CDK13: variants seen among roughly 807,000 people sequenced by gnomAD.
CDK13 encodes the protein cyclin-dependent kinase 13.
In CDK13, 40 loss-of-function variants were observed where a neutral mutation model predicts 137.6. The observed-to-expected ratio is 0.29, with a 90% confidence interval of 0.23 to 0.38. CDK13 has a LOEUF of 0.38. Among genes scored for constraint, CDK13 ranks in the 10% least tolerant of loss-of-function variants. The pLI is 1.00. For missense variants in CDK13, 1,704 were observed against 1,951.8 expected (o/e 0.87, Z 2.39); for synonymous variants, 869 against 760.1 (o/e 1.14, Z -2.36).
chr7:39,975,860 C>A (rs773382), intron 1 of CDK13, among the ~76,000 whole-genome samples: 104,003 of 152,050 alleles, frequency 0.68, 36,087 homozygotes, highest in East Asian at 0.99. Flanking sequence ...CAGTTGGAAA[C>A]CACTACAGAG....
At chr7:39,981,606 A>AT (rs1330349091) in intron 1 of CDK13, among the ~76,000 whole-genome samples, 2 of 152,146 alleles carry the variant, frequency 1.3e-5, no homozygotes, top group African/African-American at 2.4e-5. Context: ...AACAGTAAAT[A>AT]TATTTTTGGA....
chr7:39,955,703 A>G (rs1359459045), intron 1 of CDK13, among the ~76,000 whole-genome samples: 2 of 152,142 alleles, frequency 1.3e-5, no homozygotes, highest in Non-Finnish European at 2.9e-5. Context: ...TTTATGAACA[A>G]TTGGGTTTAA....
chr7:39,976,792 A>G (rs1372600171), intron 1 of CDK13, among the ~76,000 whole-genome samples: 10 of 152,192 alleles, frequency 6.6e-5, no homozygotes, highest in East Asian at 1.9e-4. Context: ...GTCTCTCTCA[A>G]CATATCTTAT....
chr7:39,988,442 A>C (rs898666802), intron 2 of CDK13, among the ~76,000 whole-genome samples, 184 bp downstream of exon 2: 1 of 152,118 alleles, frequency 6.6e-6, no homozygotes, highest in Non-Finnish European at 1.5e-5. Flanking sequence ...GGCAAAATTA[A>C]AGTTTATACT....
In CDK13 at chr7:39,987,739, C is replaced by T. The variant is rs769431800; in HGVS notation, c.1352C>T (p.Ala451Val). ...CTAACTCTGAAGAGTAGCCTGGCAG[C>T]TGAATTGAACAAGAATAAAAAAGCA... ...STLTLKSSLA[A>V]ELNKNKKARA... The change falls in exon 2 of 14, where the codon GCT (alanine) becomes GTT (valine). Residue 451 changes from alanine to valine, a missense_variant. Physicochemically the swap from Ala to Val is moderately conservative, Grantham distance 64 (BLOSUM62 0). Transcript: ENST00000181839. 6.2e-7 allele frequency: 1 copy of T among 1,614,070 alleles called. No homozygotes were observed. Among genetic ancestry groups the T allele is most frequent in the Non-Finnish European group, 8.5e-7 (1 of 1,180,014 alleles).
At chr7:40,046,085 G>T in intron 6 of CDK13, 60 bp downstream of exon 6, 2 of 1,044,378 alleles carry the variant, frequency 1.9e-6, no homozygotes. Flanking sequence ...TGTACATGGA[G>T]AGAATAGACT....
intron 7 of CDK13, chr7:40,048,935 C>T (rs1236193947): frequency 4.0e-5 from 6 of 150,970 alleles, no homozygotes; most frequent in Non-Finnish European, 8.8e-5. Context: ...CGCAGTGGCT[C>T]ATGCTTGTAC....
chr7:40,017,405 T>A (rs1204288832), intron 5 of CDK13, among the ~76,000 whole-genome samples: 1 of 152,142 alleles, frequency 6.6e-6, no homozygotes. Flanking sequence ...TATTCAATTT[T>A]TTTACATTCT....
chr7:39,955,085 C>CGTATTTTCTT (rs1371085751), intron 1 of CDK13, among the ~76,000 whole-genome samples: 1 of 152,012 alleles, frequency 6.6e-6, no homozygotes, highest in Non-Finnish European at 1.5e-5. Context: ...ATCTGTTTGC[C>CGTATTTTCTT]GTATTTTCTT....
chr7:39,985,604 G>C (rs1475314824), intron 1 of CDK13: 1 of 151,764 alleles, frequency 6.6e-6, no homozygotes, highest in Non-Finnish European at 1.5e-5. Flanking sequence ...GTGTACAAGG[G>C]TTCCCTTTTC....
Position 39,950,352 on chromosome 7 carries a change from C to T in CDK13, c.-290C>T. 8.5e-7 allele frequency: 1 copy of T among 1,181,912 alleles called. No individual in the cohort carries two copies. Among genetic ancestry groups the T allele is most frequent in the Non-Finnish European group, 1.0e-6 (1 of 956,480 alleles). 73.2% of individuals were successfully genotyped at this position (1,181,912 alleles called of 1,614,324 possible). A position where few individuals can be genotyped will look rare whatever the true frequency, so the allele number is the denominator to read the frequency against. On this transcript the variant is annotated 5_prime_UTR_variant, in exon 1 of 14. Coordinates refer to ENST00000181839, the MANE Select transcript of CDK13 (RefSeq NM_003718.5). ...GACTCGGGACTCCCCCGCAGGTCAG[C>T]GCCCGGCGCATCTGGTGTTTTCGCT... is the stretch of plus-strand genomic sequence containing the variant.
intron 5 of CDK13, among the ~76,000 whole-genome samples, chr7:40,025,916 A>AT (rs977955144): frequency 1.3e-5 from 2 of 151,988 alleles, no homozygotes; most frequent in Non-Finnish European, 1.5e-5. Context: ...ATGTGAAGCA[A>AT]TTTTTTTTGT....
At chr7:40,075,485 A>T (rs1786526272) in intron 9 of CDK13, among the ~76,000 whole-genome samples, 1 of 151,168 alleles carries the variant, frequency 6.6e-6, no homozygotes, top group East Asian at 1.9e-4. Flanking sequence ...ATAAAATAAA[A>T]TTTTATTGAA....
Position 40,074,654 on chromosome 7 carries a change from TG to T in CDK13, c.2781-3350del, listed in dbSNP as rs375122956. On this transcript the variant is annotated intron_variant, in intron 9 of 13. Transcript: ENST00000181839. ...GGAGGATCACTTGAGGCTAGGAGTT[TG>T]AGGCCAGCTTGGGTCTCAAATTAGA... is the stretch of plus-strand genomic sequence containing the variant. Among the ~76,000 whole-genome samples the T allele has an allele frequency of 6.7e-4, 102 of 152,008 alleles. 1 individual carries two copies. The highest frequency in any genetic ancestry group is 2.3e-3 in the African/African-American group (96 of 41,478).
chr7:40,080,468 G>A (rs2150537518), intron 11 of CDK13, among the ~76,000 whole-genome samples: 1 of 152,186 alleles, frequency 6.6e-6, no homozygotes, highest in South Asian at 2.1e-4. Context: ...ATTTCTATGA[G>A]GCTGTCATAT....
chr7:40,094,637 C>T lies in CDK13; in HGVS notation c.4196C>T (p.Ser1399Leu). Residue 1399 changes from serine (S) to leucine (L), a missense_variant, in exon 14 of 14, where the codon TCA (serine) becomes TTA (leucine). By Grantham distance (145) the Ser-to-Leu change is moderately radical. Coordinates refer to ENST00000181839, the MANE Select transcript of CDK13 (RefSeq NM_003718.5). ...CCTCAGCCTTCTGCCTTTTCTGAGTCATTTCCCAGTTCAGTAGCTGGATAT... is the reference window on the plus strand; with the variant it reads ...CCTCAGCCTTCTGCCTTTTCTGAGTTATTTCCCAGTTCAGTAGCTGGATAT... Reference protein sequence around the residue: ...GPPQPSAFSESFPSSVAGYGD... With the variant: ...GPPQPSAFSELFPSSVAGYGD... 2 of 1,614,112 alleles carry T rather than the reference C, an allele frequency of 1.2e-6. No homozygotes were observed. The highest frequency in any genetic ancestry group is 1.7e-6 in the Non-Finnish European group (2 of 1,179,980).
intron 5 of CDK13, among the ~76,000 whole-genome samples, chr7:40,038,476 G>A (rs1432365710): frequency 6.6e-6 from 1 of 152,062 alleles, no homozygotes; most frequent in African/African-American, 2.4e-5. Context: ...TGAATTTTTG[G>A]TACAAGTTCC....
intron 5 of CDK13, among the ~76,000 whole-genome samples, chr7:40,040,406 C>A (rs1221400491): frequency 1.3e-5 from 2 of 152,112 alleles, no homozygotes; most frequent in African/African-American, 4.8e-5. Context: ...TTACCAGTAT[C>A]ACACTTTTTA....
chr7:40,071,235 G>A (rs1562759865), intron 9 of CDK13: 4 of 152,026 alleles, frequency 2.6e-5, no homozygotes, highest in Admixed American at 6.6e-5. Context: ...AAAGATCCCG[G>A]GAGTTTTTGT....
Sources: allele counts gnomAD v4.1 joint callset (sites outside exome capture counted in the v4.1 genomes callset), GRCh38; gene constraint gnomAD v4.1.1; transcripts MANE v1.5; gene names NCBI Gene and HGNC (gene_info 2026-07-23, HGNC 2026-07-21).